The following LIMA1 variants were observed in gnomAD, a reference collection of about 807,000 sequenced individuals.
LIMA1 encodes LIM domain and actin binding 1.
Under a neutral mutation model 62.6 loss-of-function variants are expected in LIMA1, and 52 were observed. The observed-to-expected ratio is 0.83, with a 90% CI of 0.67 to 1.05. The LOEUF is 1.05. LIMA1 is among the 50% of genes least tolerant of loss of function. The pLI is 0.00. For missense variants in LIMA1, 780 were observed against 902.2 expected (o/e 0.86, Z 1.74); for synonymous variants, 302 against 317.8 (o/e 0.95, Z 0.53).
intron 10 of LIMA1, 150 bp from the exon 11 acceptor site, chr12:50,178,219 AC>A: frequency 3.5e-6 from 2 of 563,814 alleles, no homozygotes; most frequent in Non-Finnish European, 5.7e-6. Flanking sequence ...GGAATTCCTT[AC>A]CCCCATTTTA....
chr12:50,253,644 C>T (rs1941957299), intron 1 of LIMA1, among the ~76,000 whole-genome samples: 1 of 152,114 alleles, frequency 6.6e-6, no homozygotes, highest in African/African-American at 2.4e-5. Flanking sequence ...GATAATCATT[C>T]CTGCTTTCAG....
intron 1 of LIMA1, among the ~76,000 whole-genome samples, chr12:50,259,154 C>T (rs1423638307): frequency 6.6e-6 from 1 of 152,036 alleles, no homozygotes; most frequent in Non-Finnish European, 1.5e-5. Context: ...CATGATACAC[C>T]GTATATTTTT....
rs566965382 is a variant in LIMA1 at position 50,270,859 on chromosome 12, G to A, written c.-24+12561C>T. ...TGTAATCCCAGCACTTTGGGAGGCCGAGGTGGGCGGATGACGAGGTCAGGA... is the reference window on the plus strand; with the variant it reads ...TGTAATCCCAGCACTTTGGGAGGCCAAGGTGGGCGGATGACGAGGTCAGGA... On this transcript the variant is annotated intron_variant, in intron 1 of 10. Coordinates refer to ENST00000341247, the MANE Select transcript of LIMA1 (RefSeq NM_016357.5). Among the ~76,000 whole-genome samples the A allele has an allele frequency of 6.0e-5, 9 of 150,494 alleles. No individual in the cohort carries two copies. The South Asian group carries it at 8.4e-4, about 14-fold the overall frequency.
intron 9 of LIMA1, chr12:50,191,312 G>A (rs542678087): frequency 7.0e-6 from 1 of 143,658 alleles, no homozygotes; most frequent in Admixed American, 7.0e-5. Flanking sequence ...GATCACCCAA[G>A]GCCTGGAGAT....
chr12:50,266,356 T>C (rs1269280574), intron 1 of LIMA1, among the ~76,000 whole-genome samples: 1 of 152,222 alleles, frequency 6.6e-6, no homozygotes, highest in East Asian at 1.9e-4. Context: ...ACAACATGCA[T>C]AAATACAAAC....
rs779269873 is a variant in LIMA1 at position 50,222,358 on chromosome 12, C to A, written c.293G>T (p.Arg98Met). 4 of 1,614,020 alleles carry A rather than the reference C, an allele frequency of 2.5e-6. No homozygotes were observed. Among genetic ancestry groups the A allele is most frequent in the Non-Finnish European group, 3.4e-6 (4 of 1,180,054 alleles). The change falls in exon 4 of 11, where the codon AGG (arginine) becomes ATG (methionine). Residue 98 changes from arginine (R) to methionine (M), a missense_variant. Arg to Met is a moderately conservative substitution (Grantham distance 91). Coordinates refer to ENST00000341247, the MANE Select transcript of LIMA1 (RefSeq NM_016357.5). Reference sequence around the variant, plus strand: ...AGCAGGAGGATGGTCTGCTCTGTGCCTAATCTCAGTGCTGCTGTTCCGTAG... The same window carrying A: ...AGCAGGAGGATGGTCTGCTCTGTGCATAATCTCAGTGCTGCTGTTCCGTAG... ...DSLRNSSTEI[R>M]HRADHPPAEV...
chr12:50,276,869 C>CAA (rs879357407), intron 1 of LIMA1, among the ~76,000 whole-genome samples: 1 of 128,848 alleles, frequency 7.8e-6, no homozygotes, highest in Non-Finnish European at 1.7e-5. Context: ...CACACTGTCT[C>CAA]AAAAAAAAAA....
At chr12:50,181,235 C>T (rs926696140) in intron 10 of LIMA1, among the ~76,000 whole-genome samples, 3 of 151,720 alleles carry the variant, frequency 2.0e-5, no homozygotes, top group African/African-American at 7.3e-5. Flanking sequence ...AGCTGTCTAG[C>T]TAGAGCTATC....
intron 4 of LIMA1, among the ~76,000 whole-genome samples, chr12:50,211,937 T>A (rs1941264946): frequency 6.6e-6 from 1 of 150,714 alleles, no homozygotes; most frequent in African/African-American, 2.5e-5. Flanking sequence ...CAAGATACTT[T>A]TAAGACTTTC....
At chr12:50,217,905 C>CTTT (rs34408114) in intron 4 of LIMA1, 16 of 124,814 alleles carry the variant, frequency 1.3e-4, no homozygotes, top group Non-Finnish European at 1.9e-4. Context: ...AATTTCTTTT[C>CTTT]TTTTTTTTTT....
rs1942049445 is a variant in LIMA1, at chr12:50,260,283, G to A, written c.-23-11509C>T. On this transcript the variant is annotated intron_variant, in intron 1 of 10. Transcript: ENST00000341247. ...CTGCCTCAGCCTTCCGAATAGCTGG[G>A]ATTACAGGTGCTCACCACCATACCC... Among the ~76,000 whole-genome samples, 7 of 152,110 alleles carry A rather than the reference G, an allele frequency of 4.6e-5. No individual in the cohort carries two copies. The South Asian group carries it at 1.4e-3, about 31-fold the overall frequency.
At chr12:50,180,346 C>T (rs1940469507) in intron 10 of LIMA1, among the ~76,000 whole-genome samples, 2 of 149,784 alleles carry the variant, frequency 1.3e-5, no homozygotes, top group Admixed American at 1.3e-4. Flanking sequence ...GTGGTGGTGC[C>T]CGCCTGTAAT....
chr12:50,262,925 A>G (rs1346224460), intron 1 of LIMA1, among the ~76,000 whole-genome samples: 1 of 152,210 alleles, frequency 6.6e-6, no homozygotes, highest in Non-Finnish European at 1.5e-5. Context: ...TCATGTTGCC[A>G]TTCAAATTTG....
chr12:50,198,597 T>G (rs1308096875), intron 7 of LIMA1, among the ~76,000 whole-genome samples: 2 of 152,092 alleles, frequency 1.3e-5, no homozygotes, highest in African/African-American at 2.4e-5. Flanking sequence ...GCTTGAGAAC[T>G]GTTGCTCTTA....
intron 10 of LIMA1, among the ~76,000 whole-genome samples, chr12:50,178,355 C>T (rs747676219): frequency 1.5e-4 from 23 of 151,822 alleles, no homozygotes; most frequent in Admixed American, 4.6e-4. Flanking sequence ...GAGACCAGCC[C>T]GGCCAACATA....
chr12:50,176,972 TG>T lies in LIMA1; in HGVS notation c.*91del. 1 of 945,278 alleles carries T rather than the reference TG, an allele frequency of 1.1e-6. No individual in the cohort carries two copies. Among genetic ancestry groups the T allele is most frequent in the Non-Finnish European group, 1.5e-6 (1 of 676,592 alleles). 58.6% of individuals were successfully genotyped at this position (945,278 alleles called of 1,614,324 possible). ...CTTCCAAGTAAATTACATTTCATGCTGGGATACCTGCTTATGTGCATCACAT... is the reference window on the plus strand; with the variant it reads ...CTTCCAAGTAAATTACATTTCATGCTGGATACCTGCTTATGTGCATCACAT... On this transcript the variant is annotated 3_prime_UTR_variant, in exon 11 of 11. Coordinates refer to ENST00000341247, the MANE Select transcript of LIMA1 (RefSeq NM_016357.5).
chr12:50,223,619 A>G (rs1048957184), intron 3 of LIMA1, among the ~76,000 whole-genome samples: 1 of 152,214 alleles, frequency 6.6e-6, no homozygotes, highest in African/African-American at 2.4e-5. Flanking sequence ...ACACATTTAC[A>G]TATCTAAGAG....
intron 1 of LIMA1, chr12:50,250,003 T>G (rs1178768661): frequency 1.3e-5 from 2 of 152,198 alleles, no homozygotes; most frequent in East Asian, 3.9e-4. Context: ...TTAAAAGTCC[T>G]GGGTCAGGCT....
chr12:50,200,647 A>G (rs1941028929), intron 7 of LIMA1, 130 bp downstream of exon 7: 10 of 983,658 alleles, frequency 1.0e-5, no homozygotes, highest in South Asian at 1.4e-5. Flanking sequence ...AAAAATGGCA[A>G]TCTGTCCTGG....
Sources: gnomAD v4.1 joint callset for allele counts (sites outside exome capture counted in the v4.1 genomes callset) on GRCh38, gnomAD v4.1.1 for gene constraint, MANE v1.5 for transcripts, NCBI Gene and HGNC (gene_info 2026-07-23, HGNC 2026-07-21) for gene names.